CEBPZOS: variants seen among roughly 807,000 people sequenced by gnomAD.
CEBPZOS encodes protein CEBPZOS.
CEBPZOS carries 10 observed loss-of-function variants against 4.8 expected under a neutral mutation model. The observed-to-expected ratio is 2.07, with a 90% CI of 1.28 to 3.52. The LOEUF (loss-of-function observed/expected upper bound fraction) is 3.52, where lower values mean the gene tolerates loss of function less well. CEBPZOS is among the 30% of genes most tolerant of loss of function. The pLI, the probability that CEBPZOS is intolerant of heterozygous loss-of-function variation, is 0.00. For missense variants in CEBPZOS, 98 were observed against 43.6 expected (o/e 2.25, Z -3.51); for synonymous variants, 25 against 14.2 (o/e 1.77, Z -1.72).
At position 37,203,294 on chromosome 2, in the gene CEBPZOS, G is replaced by A. The variant is rs1007671348; in HGVS notation, c.*1434G>A. The stretch of plus-strand genomic sequence containing the variant: ...TTTTACCCATAAGGGAAATAACATA[G>A]TATCAAGCAATAGTAAAATTATCAG... On this transcript the variant is annotated 3_prime_UTR_variant, in exon 5 of 5. Coordinates refer to ENST00000402297, the MANE Select transcript of CEBPZOS (RefSeq NM_001322374.2). The A allele has an allele frequency of 9.3e-6, 2 of 214,318 alleles. No individual in the cohort carries two copies. Among genetic ancestry groups the A allele is most frequent in the African/African-American group, 4.6e-5 (2 of 43,876 alleles). 13.3% of individuals were successfully genotyped at this position (214,318 alleles called of 1,614,324 possible). A position where few individuals can be genotyped will look rare whatever the true frequency, so the allele number is the denominator to read the frequency against.
At chr2:37,205,133 A>C (rs909864565), downstream of CEBPZOS, among the ~76,000 whole-genome samples, 5 of 152,238 alleles carry the variant, frequency 3.3e-5, no homozygotes, top group African/African-American at 1.2e-4. Flanking sequence ...TTACAGGACT[A>C]AGAAATTGAC....
chr2:37,204,992 T>C (rs1677481887), downstream of CEBPZOS, among the ~76,000 whole-genome samples: 1 of 152,232 alleles, frequency 6.6e-6, no homozygotes, highest in South Asian at 2.1e-4. Flanking sequence ...TTCTGTGGGA[T>C]GCTTTTGAGA....
At chr2:37,201,820 GT>G in intron 4 of CEBPZOS, 42 bp from the exon 5 acceptor site, 1 of 1,595,188 alleles carries the variant, frequency 6.3e-7, no homozygotes, top group Non-Finnish European at 8.6e-7. Context: ...TTTTTAAAAT[GT>G]TTCTTTTTCT....
Position 37,196,511 on chromosome 2 carries a change from C to A in CEBPZOS, c.-11C>A, listed in dbSNP as rs571032959. On this transcript the variant is annotated 5_prime_UTR_variant, in exon 1 of 5. Coordinates refer to ENST00000402297, the MANE Select transcript of CEBPZOS (RefSeq NM_001322374.2). ...TTGCGCATGCGCAGTCCCCCTTGAA[C>A]GCACCTCAGGTAAGACTCTGGCGAG... 2 of 152,230 alleles carry A rather than the reference C, an allele frequency of 1.3e-5. No homozygotes were observed. The highest frequency in any genetic ancestry group is 2.9e-5 in the Non-Finnish European group (2 of 68,062). The allele number at this position is 152,230 out of a possible 1,614,324, so 9.4% of individuals were successfully genotyped here. A position where few individuals can be genotyped will look rare whatever the true frequency, so the allele number is the denominator to read the frequency against.
Position 37,201,857 on chromosome 2 carries a change from G to A in CEBPZOS, c.*3-6G>A, listed in dbSNP as rs1407221736. The A allele has an allele frequency of 6.2e-7, 1 of 1,613,134 alleles. No homozygotes were observed. The highest frequency in any genetic ancestry group is 8.5e-7 in the Non-Finnish European group (1 of 1,179,578). ...TGATGATACTTTTTGCATCTCTGTT[G>A]TGTAGCCAGTCATCACGTTCAGCCT... On this transcript the variant is annotated splice_region_variant and splice_polypyrimidine_tract_variant and intron_variant, in intron 4 of 4. Transcript: ENST00000402297.
In CEBPZOS at chr2:37,202,111, A is replaced by G. The variant is rs1677276810; in HGVS notation, c.*251A>G. The G allele has an allele frequency of 2.7e-6, 1 of 373,388 alleles. No homozygotes were observed. The highest frequency in any genetic ancestry group is 2.1e-5 in the African/African-American group (1 of 48,092). The allele number at this position is 373,388 out of a possible 1,614,324, so 23.1% of individuals were successfully genotyped here. On this transcript the variant is annotated 3_prime_UTR_variant, in exon 5 of 5. Transcript: ENST00000402297. ...TTCAAAAAGAAATGACTAAGGAAGG[A>G]AAAGAAACAAATGCTCTAAAGATTT...
At chr2:37,214,160 GTAATACATTTCAAAGATAA>G (rs528603393), downstream of CEBPZOS, among the ~76,000 whole-genome samples, 15 of 152,232 alleles carry the variant, frequency 9.9e-5, no homozygotes, top group South Asian at 3.1e-3. Context: ...TCTTTTAAGT[GTAATACATTTCAAAGATAA>G]TATTTTATCA....
chr2:37,210,934 CA>C (rs1558470160), intron 4 of CEBPZOS: 2 of 1,214,316 alleles, frequency 1.6e-6, no homozygotes, highest in South Asian at 1.4e-5. Context: ...GTTCATTTCC[CA>C]AAATGATAAT....
At chr2:37,209,180 G>C (rs1677639401), downstream of CEBPZOS, 1 of 152,118 alleles carries the variant, frequency 6.6e-6, no homozygotes, top group African/African-American at 2.4e-5. Flanking sequence ...CCATGTTCAT[G>C]GATGGGTAGA....
At chr2:37,215,191 G>A, downstream of CEBPZOS, 1 of 201,458 alleles carries the variant, frequency 5.0e-6, no homozygotes, top group Non-Finnish European at 8.2e-6. Context: ...ATAGCTGTCA[G>A]TGCCGTTACA....
downstream of CEBPZOS, chr2:37,215,191 G>C (rs1572501721): frequency 3.0e-5 from 6 of 201,370 alleles, no homozygotes. Context: ...ATAGCTGTCA[G>C]TGCCGTTACA....
rs1299896072 is a variant in CEBPZOS at position 37,201,695 on chromosome 2, C to A, written c.214C>A (p.Gln72Lys). The change falls in exon 4 of 5, where the codon CAA (glutamine) becomes AAA (lysine). Residue 72 changes from glutamine to lysine, a missense_variant. Gln to Lys is a moderately conservative substitution (Grantham distance 53). Transcript: ENST00000402297. ...SGMYGIRELD[Q>K]KTWLNSKN The stretch of plus-strand genomic sequence containing the variant: ...AATGTATGGAATCAGAGAGCTAGAT[C>A]AAAAAACATGGTTGAACAGCAAAAA... The A allele has an allele frequency of 5.2e-6, 5 of 967,058 alleles. No individual in the cohort carries two copies. The highest frequency in any genetic ancestry group is 4.0e-5 in the Admixed American group (2 of 50,174). 59.9% of individuals were successfully genotyped at this position (967,058 alleles called of 1,614,324 possible).
intron 1 of CEBPZOS, 95 bp from the exon 2 acceptor site, chr2:37,199,605 CCATT>C (rs1222123739): frequency 1.1e-5 from 7 of 646,320 alleles, no homozygotes; most frequent in African/African-American, 3.6e-5. Flanking sequence ...TACAGAGAAG[CCATT>C]CAAACTGTGG....
At chr2:37,199,507 A>G (rs982942278) in intron 1 of CEBPZOS, among the ~76,000 whole-genome samples, 197 bp from the exon 2 acceptor site, 1 of 152,170 alleles carries the variant, frequency 6.6e-6, no homozygotes, top group African/African-American at 2.4e-5. Flanking sequence ...TCTTTGGTTC[A>G]TCATGCCCCT....
At chr2:37,212,224 T>C in intron 4 of CEBPZOS, 1 of 1,083,302 alleles carries the variant, frequency 9.2e-7, no homozygotes, top group Non-Finnish European at 1.4e-6. Flanking sequence ...CTTCCCAAAC[T>C]TACTTGACTA....
chr2:37,199,568 T>A, intron 1 of CEBPZOS, 136 bp from the exon 2 acceptor site: 1 of 502,426 alleles, frequency 2.0e-6, no homozygotes, highest in Non-Finnish European at 3.6e-6. Flanking sequence ...ACCAAAAAAG[T>A]ATACCATAGT....
In CEBPZOS at chr2:37,202,889, T is replaced by A. The variant is rs1411266187; in HGVS notation, c.*1029T>A. 6.3e-7 allele frequency: 1 copy of A among 1,595,162 alleles called. No homozygotes were observed. Among genetic ancestry groups the A allele is most frequent in the Non-Finnish European group, 8.5e-7 (1 of 1,170,024 alleles). ...AACTTTTAAACAAAAACGATAAATT[T>A]ATTAGAAAACTAAAAATAATGTAGA... On this transcript the variant is annotated 3_prime_UTR_variant, in exon 5 of 5. Coordinates refer to ENST00000402297, the MANE Select transcript of CEBPZOS (RefSeq NM_001322374.2).
intron 4 of CEBPZOS, chr2:37,212,115 G>A: frequency 7.9e-7 from 1 of 1,273,034 alleles, no homozygotes; most frequent in Non-Finnish European, 1.1e-6. Context: ...TACTAGGGCA[G>A]TAGGCTATTA....
intron 2 of CEBPZOS, among the ~76,000 whole-genome samples, chr2:37,200,554 G>A (rs1213410166): frequency 6.6e-6 from 1 of 152,142 alleles, no homozygotes; most frequent in Admixed American, 6.5e-5. Flanking sequence ...AAGTGTCATG[G>A]CTGGGTGTGA....
Sources: gnomAD v4.1 joint callset for allele counts (sites outside exome capture counted in the v4.1 genomes callset) on GRCh38, gnomAD v4.1.1 for gene constraint, MANE v1.5 for transcripts, NCBI Gene and HGNC (gene_info 2026-07-23, HGNC 2026-07-21) for gene names.